The following SCUBE1 variants were observed in gnomAD, a reference collection of about 807,000 sequenced individuals.
The protein encoded by SCUBE1 is signal peptide, CUB domain and EGF like domain containing 1.
SCUBE1 carries 59 observed loss-of-function variants against 124.4 expected under a neutral mutation model. That is an observed-to-expected ratio of 0.47 (90% CI 0.38 to 0.59). The LOEUF (loss-of-function observed/expected upper bound fraction) is 0.59. SCUBE1 is among the 20% of genes least tolerant of loss of function. SCUBE1 has a pLI of 0.00. For missense variants in SCUBE1, 1,150 were observed against 1,371.2 expected (o/e 0.84, Z 2.55); for synonymous variants, 545 against 550.9 (o/e 0.99, Z 0.15).
At chr22:43,233,182 C>A (rs139018) in intron 7 of SCUBE1, among the ~76,000 whole-genome samples, 1 of 151,876 alleles carries the variant, frequency 6.6e-6, no homozygotes, top group Admixed American at 6.5e-5. Flanking sequence ...CTGGCCAACG[C>A]GGAGAAACCC....
intron 6 of SCUBE1, among the ~76,000 whole-genome samples, chr22:43,247,956 G>A (rs1923283282): frequency 6.6e-6 from 1 of 152,258 alleles, no homozygotes; most frequent in South Asian, 2.1e-4. Context: ...AGGGCACTGA[G>A]GTTGCATCTC....
At chr22:43,223,398 C>G (rs6003115) in intron 10 of SCUBE1, among the ~76,000 whole-genome samples, 182 bp from the exon 11 acceptor site, 76,107 of 151,980 alleles carry the variant, frequency 0.5, 19,206 homozygotes, top group South Asian at 0.61. Context: ...ATGCTGGGCC[C>G]AGACAGCTGG....
chr22:43,228,391 T>C (rs1922411681), intron 9 of SCUBE1, among the ~76,000 whole-genome samples: 3 of 152,186 alleles, frequency 2.0e-5, no homozygotes, highest in African/African-American at 7.2e-5. Flanking sequence ...GTACCCTGGA[T>C]TCCACTCTCC....
rs1187348721 is a variant in SCUBE1 at position 43,198,481 on chromosome 22, G to A, written c.*5516C>T. ...GCCTGCCCAGGACTTACTCCTGGAAGGGCCAGGGATCTGTGGGTGCTGTGG... is the reference window on the plus strand; with the variant it reads ...GCCTGCCCAGGACTTACTCCTGGAAAGGCCAGGGATCTGTGGGTGCTGTGG... On this transcript the variant is annotated 3_prime_UTR_variant, in exon 22 of 22. Transcript: ENST00000360835. 6.7e-6 allele frequency: 3 copies of A among 446,766 alleles called. No individual in the cohort carries two copies. The highest frequency in any genetic ancestry group is 4.8e-5 in the South Asian group (3 of 62,974). 27.7% of individuals were successfully genotyped at this position (446,766 alleles called of 1,614,324 possible). A position where few individuals can be genotyped will look rare whatever the true frequency, so the allele number is the denominator to read the frequency against.
chr22:43,282,465 C>T (rs1924954961), intron 4 of SCUBE1: 2 of 152,224 alleles, frequency 1.3e-5, no homozygotes, highest in Admixed American at 1.3e-4. Context: ...TTTTTTAAGG[C>T]CAGCTGCCTC....
intron 12 of SCUBE1, among the ~76,000 whole-genome samples, chr22:43,222,210 G>A (rs1922119136): frequency 6.6e-6 from 1 of 152,224 alleles, no homozygotes; most frequent in Non-Finnish European, 1.5e-5. Flanking sequence ...TGCCGACCAA[G>A]CCCAGCGGGT....
chr22:43,328,500 C>T (rs1926800991), intron 2 of SCUBE1, among the ~76,000 whole-genome samples: 1 of 152,224 alleles, frequency 6.6e-6, no homozygotes. Context: ...CAATCACAAA[C>T]AAGAAGTTGC....
At chr22:43,322,829 G>A (rs960485466) in intron 2 of SCUBE1, among the ~76,000 whole-genome samples, 1 of 152,172 alleles carries the variant, frequency 6.6e-6, no homozygotes, top group Non-Finnish European at 1.5e-5. Context: ...TTCTATGCTT[G>A]GGTAAAAGAA....
Position 43,218,336 on chromosome 22 carries a change from C to T in SCUBE1, c.1810G>A (p.Glu604Lys), listed in dbSNP as rs774478476. The T allele has an allele frequency of 1.5e-5, 25 of 1,613,332 alleles. 1 individual carries two copies. The highest frequency in any genetic ancestry group is 6.7e-5 in the Admixed American group (4 of 60,010). The change falls in exon 15 of 22, where the codon GAG (glutamate) becomes AAG (lysine). Residue 604 changes from glutamate to lysine, a missense_variant. Coordinates refer to ENST00000360835, the MANE Select transcript of SCUBE1 (RefSeq NM_173050.5). ...GCCTTGGCTGGCCTCTGGGCTACCT[C>T]GTACTCAGTGCCTGAGACCTGGACA... Reference protein sequence around the residue: ...FYVQVSGTEYEVAQRPAKALE... With the variant: ...FYVQVSGTEYKVAQRPAKALE...
chr22:43,301,323 A>G (rs1235911786), intron 3 of SCUBE1, among the ~76,000 whole-genome samples: 5 of 151,840 alleles, frequency 3.3e-5, no homozygotes, highest in Admixed American at 1.3e-4. Flanking sequence ...AAAGCCCACA[A>G]AGGTGTCATA....
At position 43,200,563 on chromosome 22, in the gene SCUBE1, C is replaced by T. The variant is rs1601786435; in HGVS notation, c.*3434G>A. On this transcript the variant is annotated 3_prime_UTR_variant, in exon 22 of 22. Transcript: ENST00000360835. ...GAAATGCGCTTTGCTGTCCACGGAG[C>T]TCACCTTGGGACCATCCCGCCCTGA... is the stretch of plus-strand genomic sequence containing the variant. 1 of 152,510 alleles carries T rather than the reference C, an allele frequency of 6.6e-6. No homozygotes were observed. The highest frequency in any genetic ancestry group is 1.9e-4 in the East Asian group (1 of 5,190). 9.4% of individuals were successfully genotyped at this position (152,510 alleles called of 1,614,324 possible).
intron 3 of SCUBE1, among the ~76,000 whole-genome samples, chr22:43,303,819 C>T (rs987336138): frequency 6.6e-6 from 1 of 152,242 alleles, no homozygotes; most frequent in Non-Finnish European, 1.5e-5. Flanking sequence ...GACAGAACCA[C>T]AGTCAGGAGC....
Position 43,211,073 on chromosome 22 carries a change from G to C in SCUBE1, c.2232C>G (p.Ser744=), listed in dbSNP as rs753351326. ...TGGTGGTGTTGTAGTGGTGGCCGGG[G>C]GAGCAGTGCACTGCCGGGGGACACA... ...FQDCEAKVHC[S]PGHHYNTTTH... The change falls in exon 18 of 22, where the codon TCC becomes TCG. Residue 744 remains serine (S), a synonymous_variant. Transcript: ENST00000360835. This position sits in a 1 kb window ranked among gnomAD's most constrained non-coding sequence, Gnocchi z 4.5. 1.2e-6 allele frequency: 2 copies of C among 1,611,482 alleles called. No individual in the cohort carries two copies. Among genetic ancestry groups the C allele is most frequent in the Admixed American group, 1.7e-5 (1 of 59,554 alleles).
chr22:43,213,812 G>A (rs905622011), intron 16 of SCUBE1, among the ~76,000 whole-genome samples: 1 of 147,976 alleles, frequency 6.8e-6, no homozygotes, highest in East Asian at 1.9e-4. Flanking sequence ...CCTTTCCAAA[G>A]GGCACAATGC....
chr22:43,262,935 T>C lies in SCUBE1; in HGVS notation c.485-90A>G, dbSNP rs761911467. 451 of 1,415,618 alleles carry C rather than the reference T, an allele frequency of 3.2e-4. 3 individuals are homozygous for C. Among genetic ancestry groups the C allele is most frequent in the East Asian group, 2.5e-4 (11 of 43,172 alleles). 87.7% of individuals were successfully genotyped at this position (1,415,618 alleles called of 1,614,324 possible). On this transcript the variant is annotated intron_variant, in intron 4 of 21. Coordinates refer to ENST00000360835, the MANE Select transcript of SCUBE1 (RefSeq NM_173050.5). Reference sequence around the variant, plus strand: ...GGCTGAAAGGGGATAGCCAATGATATGTAACAATCAAATGGGCTGTCATTG... The same window carrying C: ...GGCTGAAAGGGGATAGCCAATGATACGTAACAATCAAATGGGCTGTCATTG...
intron 4 of SCUBE1, among the ~76,000 whole-genome samples, chr22:43,290,254 T>A (rs1337436704): frequency 1.3e-5 from 2 of 151,974 alleles, no homozygotes; most frequent in Admixed American, 1.3e-4. Context: ...TCCAAGCACA[T>A]GTGTCCTGGC....
intron 6 of SCUBE1, among the ~76,000 whole-genome samples, chr22:43,253,812 G>A (rs963888331): frequency 8.1e-6 from 1 of 123,306 alleles, no homozygotes; most frequent in African/African-American, 4.8e-5. Flanking sequence ...GTACCTAAGG[G>A]GCCCAGCTCC....
intron 4 of SCUBE1, among the ~76,000 whole-genome samples, chr22:43,266,755 C>A (rs537514574): frequency 6.6e-6 from 1 of 152,118 alleles, no homozygotes. Context: ...GCAGAGTGGG[C>A]GACTACACGG....
At chr22:43,303,702 T>C (rs1925860309) in intron 3 of SCUBE1, among the ~76,000 whole-genome samples, 1 of 152,236 alleles carries the variant, frequency 6.6e-6, no homozygotes, top group African/African-American at 2.4e-5. Context: ...AAACCTAGCA[T>C]GGCTTCCTAT....
Sources: allele counts gnomAD v4.1 joint callset (sites outside exome capture counted in the v4.1 genomes callset), GRCh38; gene constraint gnomAD v4.1.1; non-coding constraint Gnocchi (gnomAD v3.1); transcripts MANE v1.5; gene names NCBI Gene and HGNC (gene_info 2026-07-23, HGNC 2026-07-21).